EXOC4: variants seen among roughly 807,000 people sequenced by gnomAD.
EXOC4 encodes SEC8-like 1.
Under a neutral mutation model 107.2 loss-of-function variants are expected in EXOC4, and 71 were observed. That is an observed-to-expected ratio of 0.66 (90% confidence interval 0.55 to 0.81). The LOEUF is 0.81. Ranked by LOEUF, EXOC4 falls within the 30% of genes least tolerant of loss-of-function variation. The pLI is 0.00. For synonymous variants in EXOC4, 456 were observed against 441.2 expected (o/e 1.03, Z -0.42); for missense variants, 1,108 against 1,189.6 (o/e 0.93, Z 1.01).
intron 7 of EXOC4, among the ~76,000 whole-genome samples, chr7:133,388,270 A>G (rs1454052515): frequency 1.3e-5 from 2 of 152,064 alleles, no homozygotes; most frequent in Non-Finnish European, 2.9e-5. Flanking sequence ...CTCCTTTATT[A>G]TTTTGAAACA....
intron 10 of EXOC4, among the ~76,000 whole-genome samples, chr7:133,678,029 T>C (rs1433179140): frequency 6.6e-6 from 1 of 152,200 alleles, no homozygotes; most frequent in Non-Finnish European, 1.5e-5. Flanking sequence ...AAATCAATAA[T>C]AACCTTTTAA....
At chr7:133,817,577 C>T (rs117223951) in intron 11 of EXOC4, 33 bp downstream of exon 11, 30,777 of 1,473,698 alleles carry the variant, frequency 0.021, 431 homozygotes, top group Non-Finnish European at 0.026. Context: ...CTATTTTTAT[C>T]AGCAATTTTC....
intron 9 of EXOC4, among the ~76,000 whole-genome samples, chr7:133,507,625 G>A (rs145594707): frequency 1.3e-5 from 2 of 152,276 alleles, no homozygotes; most frequent in East Asian, 1.9e-4. Context: ...TATATTTCCT[G>A]TAGAAGGAAT....
At chr7:134,078,476 T>G in the EXOC4 span, among the ~76,000 whole-genome samples, 12 of 152,152 alleles carry the variant, frequency 7.9e-5, no homozygotes, top group African/African-American at 2.9e-4. Flanking sequence ...CCTTTTTCCT[T>G]AGGAACTTTC....
chr7:133,607,011 G>A (rs1401871043), intron 9 of EXOC4, among the ~76,000 whole-genome samples: 7 of 152,120 alleles, frequency 4.6e-5, no homozygotes, highest in Admixed American at 6.6e-5. Context: ...TTTTCTAGCT[G>A]TAGATCCTAC....
chr7:133,754,872 C>G (rs1293062153), intron 10 of EXOC4, among the ~76,000 whole-genome samples: 1 of 152,040 alleles, frequency 6.6e-6, no homozygotes, highest in East Asian at 1.9e-4. Context: ...TACATATTTG[C>G]CCTTGCTCTT....
At chr7:133,707,352 C>T (rs1794790169) in intron 10 of EXOC4, among the ~76,000 whole-genome samples, 1 of 151,722 alleles carries the variant, frequency 6.6e-6, no homozygotes, top group Non-Finnish European at 1.5e-5. Flanking sequence ...CACTGCACTC[C>T]AGCCTGGGTG....
intron 10 of EXOC4, among the ~76,000 whole-genome samples, chr7:133,723,552 G>A (rs1379913878): frequency 1.3e-5 from 2 of 151,796 alleles, no homozygotes; most frequent in Non-Finnish European, 2.9e-5. Flanking sequence ...GTGCAATGGC[G>A]TGATCTTGGC....
chr7:133,299,879 C>G (rs1045990099), intron 3 of EXOC4, among the ~76,000 whole-genome samples: 2 of 152,170 alleles, frequency 1.3e-5, no homozygotes, highest in Non-Finnish European at 2.9e-5. Context: ...TCCTTCTCCT[C>G]TCTTTGTTAA....
At chr7:133,869,686 C>G (rs557600886) in intron 11 of EXOC4, among the ~76,000 whole-genome samples, 14 of 152,120 alleles carry the variant, frequency 9.2e-5, no homozygotes, top group African/African-American at 3.1e-4. Flanking sequence ...AGTAGAATCC[C>G]TTCTCTAAAC....
At chr7:134,071,681 G>T in the EXOC4 span, among the ~76,000 whole-genome samples, 2 of 152,154 alleles carry the variant, frequency 1.3e-5, no homozygotes, top group African/African-American at 4.8e-5. Flanking sequence ...TATCATCCTT[G>T]CTTTAAAGTT....
rs1038474714 is a variant in EXOC4 at position 133,290,005 on chromosome 7, A to C, written c.471+889A>C. On this transcript the variant is annotated intron_variant, in intron 3 of 17. Transcript: ENST00000253861. ...AAAACACTGAGGGGAATTGGTAGGG[A>C]CACAGATTAAATGCTCTAAGTGGTT... Among the ~76,000 whole-genome samples the C allele has an allele frequency of 2.0e-5, 3 of 152,222 alleles. No individual in the cohort carries two copies. In the East Asian group the frequency reaches 5.8e-4, roughly 29 times the overall value.
chr7:133,930,496 T>G (rs557825061), intron 13 of EXOC4: 1 of 152,278 alleles, frequency 6.6e-6, no homozygotes, highest in African/African-American at 2.4e-5. Flanking sequence ...TGCAGTTAGC[T>G]TTTTGCTTAG....
At chr7:133,328,169 C>T (rs1795292862) in intron 5 of EXOC4, among the ~76,000 whole-genome samples, 1 of 151,958 alleles carries the variant, frequency 6.6e-6, no homozygotes, top group Admixed American at 6.6e-5. Flanking sequence ...TGAATTGATC[C>T]CTTTACCAAT....
chr7:133,828,217 A>G (rs1189722625), intron 11 of EXOC4, among the ~76,000 whole-genome samples: 5 of 152,180 alleles, frequency 3.3e-5, no homozygotes, highest in African/African-American at 1.2e-4. Context: ...TGCCTGAAAT[A>G]TATTTGACTT....
chr7:133,381,338 T>G (rs1332355969), intron 7 of EXOC4, among the ~76,000 whole-genome samples: 1 of 152,078 alleles, frequency 6.6e-6, no homozygotes, highest in Admixed American at 6.6e-5. Context: ...TGTTGCTGAA[T>G]GTAAGAAGAG....
At chr7:133,538,036 C>T (rs372766443) in intron 9 of EXOC4, among the ~76,000 whole-genome samples, 192 of 152,100 alleles carry the variant, frequency 1.3e-3, no homozygotes, top group African/African-American at 4.5e-3. Context: ...GTATCTGAGG[C>T]CATAAGAGTA....
chr7:133,715,927 G>A (rs1239469745), intron 10 of EXOC4, among the ~76,000 whole-genome samples: 12 of 152,078 alleles, frequency 7.9e-5, no homozygotes, highest in Admixed American at 7.9e-4. Flanking sequence ...GAATGTTACT[G>A]TCAAATTGCT....
At chr7:133,899,416 C>T (rs1247816508) in intron 12 of EXOC4, among the ~76,000 whole-genome samples, 2 of 152,252 alleles carry the variant, frequency 1.3e-5, no homozygotes, top group Non-Finnish European at 2.9e-5. Flanking sequence ...GCCACTGCAT[C>T]TGCAAAGCAG....
Sources: allele counts gnomAD v4.1 joint callset (sites outside exome capture counted in the v4.1 genomes callset), GRCh38; gene constraint gnomAD v4.1.1; transcripts MANE v1.5; gene names NCBI Gene and HGNC (gene_info 2026-07-23, HGNC 2026-07-21).